Variants in SRPK2 observed in about 807,000 individuals in gnomAD.
SRPK2 encodes the protein SFRS protein kinase 2.
Under a neutral mutation model 90.8 loss-of-function variants are expected in SRPK2, and 21 were observed. The observed-to-expected ratio is 0.23, with a 90% CI of 0.16 to 0.33. The LOEUF is 0.33. Ranked by LOEUF, SRPK2 falls within the 10% of genes least tolerant of loss-of-function variation. The probability of loss-of-function intolerance (pLI) is 1.00; values close to 1 mark genes in which losing one functional copy is unlikely to be tolerated. For synonymous variants in SRPK2, 288 were observed against 311.1 expected (o/e 0.93, Z 0.78); for missense variants, 620 against 869.0 (o/e 0.71, Z 3.60).
At chr7:105,318,276 G>A (rs896826140) in intron 2 of SRPK2, among the ~76,000 whole-genome samples, 1 of 151,958 alleles carries the variant, frequency 6.6e-6, no homozygotes. Context: ...TGTATTTTTA[G>A]TAGAGGCAGG....
rs138517608 is a variant in SRPK2 at position 105,312,952 on chromosome 7, T to A, written c.71+75696A>T. On this transcript the variant is annotated intron_variant, in intron 2 of 15. Transcript: ENST00000393651. ...CACACCAGGCAAGAAAGTTTCTCTT[T>A]ACAAAATATTCCAGAAATGAATAAA... 5.5e-4 allele frequency among the ~76,000 whole-genome samples: 84 copies of A among 152,242 alleles called. 1 individual carries two copies. The highest frequency in any genetic ancestry group is 1.8e-3 in the African/African-American group (74 of 41,538).
At chr7:105,182,728 A>G (rs1005405530) in intron 3 of SRPK2, among the ~76,000 whole-genome samples, 1 of 152,214 alleles carries the variant, frequency 6.6e-6, no homozygotes, top group African/African-American at 2.4e-5. Flanking sequence ...TTGGCCTCCC[A>G]AAGTGCTGGG....
chr7:105,175,220 C>T (rs1313529258), intron 3 of SRPK2, among the ~76,000 whole-genome samples: 4 of 150,010 alleles, frequency 2.7e-5, no homozygotes, highest in Non-Finnish European at 4.4e-5. Flanking sequence ...AAATTACAAA[C>T]CAAGAAGAGA....
intron 2 of SRPK2, chr7:105,245,086 A>C (rs1223857681): frequency 3.9e-6 from 2 of 518,670 alleles, no homozygotes; most frequent in African/African-American, 3.9e-5. Flanking sequence ...TCTTTTTCTT[A>C]GTATTTCCTA....
chr7:105,385,358 G>T (rs970298596), intron 2 of SRPK2, among the ~76,000 whole-genome samples: 3 of 146,510 alleles, frequency 2.0e-5, no homozygotes, highest in African/African-American at 7.6e-5. Context: ...TTTTGTTTTT[G>T]TATTTTTAGT....
At chr7:105,167,488 A>G in intron 5 of SRPK2, 24 bp from the exon 6 acceptor site, 1 of 1,576,060 alleles carries the variant, frequency 6.3e-7, no homozygotes, top group Non-Finnish European at 8.7e-7. Context: ...AATGAATGCA[A>G]GAACACAGGA....
rs117769721 is a variant in SRPK2 at position 105,346,019 on chromosome 7, G to A, written c.71+42629C>T. Among the ~76,000 whole-genome samples, 322 of 152,000 alleles carry A rather than the reference G, an allele frequency of 2.1e-3. 11 individuals carry two copies. The East Asian group carries it at 0.047, about 22-fold the overall frequency. On this transcript the variant is annotated intron_variant, in intron 2 of 15. Coordinates refer to ENST00000393651, the MANE Select transcript of SRPK2 (RefSeq NM_182692.3). ...CTCTCTGCTGACTAGACATTAAGAT[G>A]AAACTTAACTTCTTTCTTTTAAAAA...
chr7:105,223,882 G>C (rs1320729805), intron 2 of SRPK2, among the ~76,000 whole-genome samples: 1 of 152,180 alleles, frequency 6.6e-6, no homozygotes, highest in Non-Finnish European at 1.5e-5. Flanking sequence ...TGTGTGAACA[G>C]ATCTGTATAT....
In SRPK2 at chr7:105,305,407, CACAG is replaced by C. The variant is rs1349081783; in HGVS notation, c.71+83237_71+83240del. The stretch of plus-strand genomic sequence containing the variant: ...GTTGCAGTGAGCCGAGACTGTGCCA[CACAG>C]TCTCGCACAATAGAGCGAGACTCTG... On this transcript the variant is annotated intron_variant, in intron 2 of 15. Coordinates refer to ENST00000393651, the MANE Select transcript of SRPK2 (RefSeq NM_182692.3). Among the ~76,000 whole-genome samples the C allele has an allele frequency of 7.2e-3, 779 of 107,538 alleles. 11 individuals are homozygous for C. The East Asian group carries it at 0.22, about 31-fold the overall frequency. 70.5% of individuals were successfully genotyped at this position (107,538 alleles called of 152,430 possible).
In SRPK2 at chr7:105,227,913, A is replaced by G. The variant is rs1296187100; in HGVS notation, c.72-24128T>C. Reference sequence around the variant, plus strand: ...TTCAGCAAAAAAAAAAAAAAAAAAAAAAGTAACTAACAACGATAAGACTCC... The same window carrying G: ...TTCAGCAAAAAAAAAAAAAAAAAAAGAAGTAACTAACAACGATAAGACTCC... On this transcript the variant is annotated intron_variant, in intron 2 of 15. Coordinates refer to ENST00000393651, the MANE Select transcript of SRPK2 (RefSeq NM_182692.3). 2.7e-5 allele frequency among the ~76,000 whole-genome samples: 4 copies of G among 148,640 alleles called. No homozygotes were observed. In the East Asian group the frequency reaches 7.8e-4, roughly 29 times the overall value.
At position 105,168,109 on chromosome 7, in the gene SRPK2, CA is replaced by C. The variant is rs1225015605; in HGVS notation, c.339-15del. 11 of 1,582,810 alleles carry C rather than the reference CA, an allele frequency of 6.9e-6. No homozygotes were observed. The highest frequency in any genetic ancestry group is 2.7e-5 in the African/African-American group (2 of 73,496). ...AATCTTTTCCCCCTAAAAGAAAAAA[CA>C]AAAAAAGAGTCTATTTATCTATATT... On this transcript the variant is annotated splice_polypyrimidine_tract_variant and intron_variant, in intron 4 of 15. Coordinates refer to ENST00000393651, the MANE Select transcript of SRPK2 (RefSeq NM_182692.3).
intron 2 of SRPK2, among the ~76,000 whole-genome samples, chr7:105,311,584 A>G (rs1348916358): frequency 6.6e-6 from 1 of 152,220 alleles, no homozygotes; most frequent in Non-Finnish European, 1.5e-5. Flanking sequence ...AATGGCCAAA[A>G]ACACATGAAA....
chr7:105,233,883 A>G (rs895333054), intron 2 of SRPK2, among the ~76,000 whole-genome samples: 2 of 152,070 alleles, frequency 1.3e-5, no homozygotes, highest in African/African-American at 4.8e-5. Flanking sequence ...TAAAAATAAA[A>G]TAAGTAAAAA....
At chr7:105,232,800 G>A (rs1239890358) in intron 2 of SRPK2, among the ~76,000 whole-genome samples, 1 of 151,884 alleles carries the variant, frequency 6.6e-6, no homozygotes, top group East Asian at 1.9e-4. Context: ...GGATTACGAG[G>A]TCAAGAGATC....
At chr7:105,355,411 G>C (rs1241228772) in intron 2 of SRPK2, among the ~76,000 whole-genome samples, 1 of 152,096 alleles carries the variant, frequency 6.6e-6, no homozygotes, top group African/African-American at 2.4e-5. Context: ...TTGGCAAACA[G>C]AGGCAGAAGG....
At chr7:105,152,806 T>A (rs1215127371) in intron 7 of SRPK2, among the ~76,000 whole-genome samples, 8 of 152,018 alleles carry the variant, frequency 5.3e-5, no homozygotes, top group Non-Finnish European at 1.5e-5. Flanking sequence ...GAGGCCGAAA[T>A]GGGCGGATCA....
intron 3 of SRPK2, among the ~76,000 whole-genome samples, chr7:105,173,585 C>G (rs1394494522): frequency 6.6e-6 from 1 of 152,160 alleles, no homozygotes; most frequent in African/African-American, 2.4e-5. Flanking sequence ...GAAATGACCC[C>G]AATTCCCTGG....
chr7:105,378,848 T>C (rs1408820649), intron 2 of SRPK2, among the ~76,000 whole-genome samples: 2 of 151,588 alleles, frequency 1.3e-5, no homozygotes, highest in African/African-American at 2.4e-5. Context: ...ACACCCATAA[T>C]AGGTAAAATT....
chr7:105,262,884 A>C (rs75725291), intron 2 of SRPK2, among the ~76,000 whole-genome samples: 2,972 of 152,328 alleles, frequency 0.02, 101 homozygotes, highest in African/African-American at 0.066. Flanking sequence ...AATTGAAAAG[A>C]ACCTGGAGCA....
Sources: allele counts gnomAD v4.1 joint callset (sites outside exome capture counted in the v4.1 genomes callset), GRCh38; gene constraint gnomAD v4.1.1; transcripts MANE v1.5; gene names NCBI Gene and HGNC (gene_info 2026-07-23, HGNC 2026-07-21).